Variants in MCM3 observed in about 807,000 individuals in gnomAD.
MCM3 encodes the protein DNA replication licensing factor MCM3.
A neutral mutation model predicts 91.3 loss-of-function variants in MCM3; 59 were observed. The observed-to-expected ratio is 0.65, with a 90% CI of 0.52 to 0.80. The LOEUF (loss-of-function observed/expected upper bound fraction) is 0.80, where lower values mean the gene tolerates loss of function less well. MCM3 is among the 30% of genes least tolerant of loss of function. The pLI, the probability that MCM3 is intolerant of heterozygous loss-of-function variation, is 0.00. For missense variants in MCM3, 919 were observed against 1,035.4 expected, an observed-to-expected ratio of 0.89 and a Z score of 1.54; for synonymous variants, 383 against 379.6, an observed-to-expected ratio of 1.01 and a Z score of -0.10.
At chr6:52,265,310 T>G (rs1562370585) in intron 16 of MCM3, 1 of 434,720 alleles carries the variant, frequency 2.3e-6, no homozygotes, top group Non-Finnish European at 4.6e-6. Flanking sequence ...CCCAGCCTTT[T>G]GGGAGGCTCA....
At chr6:52,282,324 T>TTATTTATATATTTATA in intron 3 of MCM3, 149 bp from the exon 4 acceptor site, 1 of 725,072 alleles carries the variant, frequency 1.4e-6, no homozygotes, top group Non-Finnish European at 2.3e-6. Flanking sequence ...ATTCACTTTT[T>TTATTTATATATTTATA]TATTTATATA....
In MCM3 at chr6:52,276,354, G is replaced by C. The variant is rs750705809; in HGVS notation, c.1288C>G (p.Arg430Gly). ...TAIHEVMEQG[R>G]VTIAKAGIHA... ...ATGCCAGCCTTGGCAATGGTCACTC[G>C]ACCCTGCTCCATCACTTCATGGATG... Residue 430 changes from arginine to glycine, a missense_variant, in exon 9 of 17, where the codon CGA becomes GGA. Transcript: ENST00000596288. 1 of 1,613,962 alleles carries C rather than the reference G, an allele frequency of 6.2e-7. No individual in the cohort carries two copies. The highest frequency in any genetic ancestry group is 8.5e-7 in the Non-Finnish European group (1 of 1,180,024).
At chr6:52,270,338 A>G (rs1326074017) in intron 12 of MCM3, among the ~76,000 whole-genome samples, 2 of 151,152 alleles carry the variant, frequency 1.3e-5, no homozygotes, top group East Asian at 1.9e-4. Flanking sequence ...CAAAAAAAAA[A>G]AAAAAAAGAA....
intron 9 of MCM3, 60 bp from the exon 10 acceptor site, chr6:52,273,976 G>C: frequency 1.5e-6 from 2 of 1,370,596 alleles, no homozygotes. Flanking sequence ...AGAACAACAA[G>C]GCTGCTGCAG....
intron 9 of MCM3, 96 bp from the exon 10 acceptor site, chr6:52,274,012 G>A: frequency 1.1e-6 from 1 of 933,782 alleles, no homozygotes; most frequent in Non-Finnish European, 1.6e-6. Flanking sequence ...TGAAAGGCTT[G>A]ACCTCAAAGA....
chr6:52,264,392 C>G lies in MCM3; in HGVS notation c.*196G>C. On this transcript the variant is annotated 3_prime_UTR_variant, in exon 17 of 17. Coordinates refer to ENST00000596288, the MANE Select transcript of MCM3 (RefSeq NM_002388.6). ...CCTCTCCCACTGTCTCCTCTTTCCT[C>G]ACCCCATGGCAGCTTTCATGACCCA... The G allele has an allele frequency of 3.4e-6, 2 of 581,076 alleles. No individual in the cohort carries two copies. The highest frequency in any genetic ancestry group is 6.1e-6 in the Non-Finnish European group (2 of 326,672). 36.0% of individuals were successfully genotyped at this position (581,076 alleles called of 1,614,324 possible). A position where few individuals can be genotyped will look rare whatever the true frequency, so the allele number is the denominator to read the frequency against.
chr6:52,278,205 A>C (rs1329183665), intron 6 of MCM3, among the ~76,000 whole-genome samples: 1 of 152,130 alleles, frequency 6.6e-6, no homozygotes, highest in Non-Finnish European at 1.5e-5. Flanking sequence ...GGCACAGAGC[A>C]GCCTGGATTC....
chr6:52,284,711 T>C lies in MCM3; in HGVS notation c.-37A>G. ...AAGAACTACCTCCACCAAAGTCGCGTGGAGGTTCCCAGGATGACTCCACCC... is the reference window on the plus strand; with the variant it reads ...AAGAACTACCTCCACCAAAGTCGCGCGGAGGTTCCCAGGATGACTCCACCC... On this transcript the variant is annotated 5_prime_UTR_variant, in exon 1 of 17. Coordinates refer to ENST00000596288, the MANE Select transcript of MCM3 (RefSeq NM_002388.6). 2 of 1,587,220 alleles carry C rather than the reference T, an allele frequency of 1.3e-6. No individual in the cohort carries two copies. The highest frequency in any genetic ancestry group is 1.1e-5 in the South Asian group (1 of 87,520).
chr6:52,284,710 G>A lies in MCM3; in HGVS notation c.-36C>T, dbSNP rs370980440. The A allele has an allele frequency of 1.9e-4, 294 of 1,587,720 alleles. No homozygotes were observed. In the Middle Eastern group the frequency reaches 2.2e-3, roughly 12 times the overall value. On this transcript the variant is annotated 5_prime_UTR_variant, in exon 1 of 17. It adds an upstream start codon to the 5' untranslated region. Transcript: ENST00000596288. ...AAAGAACTACCTCCACCAAAGTCGCGTGGAGGTTCCCAGGATGACTCCACC... is the reference window on the plus strand; with the variant it reads ...AAAGAACTACCTCCACCAAAGTCGCATGGAGGTTCCCAGGATGACTCCACC...
In MCM3 at chr6:52,266,597, G is replaced by A. The variant is rs1562372656; in HGVS notation, c.2158+14C>T. On this transcript the variant is annotated intron_variant, in intron 15 of 16. Coordinates refer to ENST00000596288, the MANE Select transcript of MCM3 (RefSeq NM_002388.6). ...CAGGAACAACCTCTTTCATCAGTAA[G>A]TGGGCTCACTCACCTTGAGGCATTT... is the stretch of plus-strand genomic sequence containing the variant. The A allele has an allele frequency of 6.2e-7, 1 of 1,610,628 alleles. No individual in the cohort carries two copies. The highest frequency in any genetic ancestry group is 8.5e-7 in the Non-Finnish European group (1 of 1,176,880).
intron 4 of MCM3, 110 bp downstream of exon 4, chr6:52,281,935 T>G: frequency 8.8e-7 from 1 of 1,131,618 alleles, no homozygotes; most frequent in Non-Finnish European, 1.2e-6. Context: ...TAATCCTTAT[T>G]TTTCACCCTT....
chr6:52,273,228 A>G lies in MCM3; in HGVS notation c.1676+2T>C. ...TTGAGGAAGAGTTATGAGAATGCTC[A>G]CTTTTTCTTCTTGGTCCCATGTAGA... is the stretch of plus-strand genomic sequence containing the variant. On this transcript the variant is annotated splice_donor_variant, in intron 11 of 16. Transcript: ENST00000596288. LOFTEE classifies it high-confidence loss of function. The G allele has an allele frequency of 6.2e-7, 1 of 1,614,214 alleles. No individual in the cohort carries two copies. Among genetic ancestry groups the G allele is most frequent in the Non-Finnish European group, 8.5e-7 (1 of 1,180,024 alleles).
At position 52,264,726 on chromosome 6, in the gene MCM3, G is replaced by A. The variant is rs111523955; in HGVS notation, c.2289C>T (p.Ile763=). The A allele has an allele frequency of 3.1e-6, 5 of 1,614,002 alleles. No individual in the cohort carries two copies. The highest frequency in any genetic ancestry group is 2.7e-5 in the African/African-American group (2 of 74,914). The change falls in exon 17 of 17, where the codon ATC becomes ATT. Residue 763 remains isoleucine (I), a synonymous_variant. Coordinates refer to ENST00000596288, the MANE Select transcript of MCM3 (RefSeq NM_002388.6). ...DVFREAHAQS[I]GMNRLTESIN... ...TGGATTCTGTGAGGCGATTCATGCC[G>A]ATTGACTGCGCATGAGCTTCCCGGA...
intron 10 of MCM3, 40 bp downstream of exon 10, chr6:52,273,702 G>A (rs778007036): frequency 7.0e-6 from 11 of 1,568,620 alleles, no homozygotes; most frequent in African/African-American, 4.1e-5. Context: ...TCTGTTTAGC[G>A]CCTTTCCATT....
intron 16 of MCM3, chr6:52,265,315 G>C: frequency 6.9e-6 from 3 of 432,102 alleles, no homozygotes; most frequent in South Asian, 5.0e-5. Flanking sequence ...CCTTTTGGGA[G>C]GCTCAGGTAG....
At chr6:52,282,294 A>G (rs1404272376) in intron 3 of MCM3, 119 bp from the exon 4 acceptor site, 12 of 845,326 alleles carry the variant, frequency 1.4e-5, no homozygotes, top group Middle Eastern at 4.8e-4. Flanking sequence ...CTAGGTTACG[A>G]TATTTCAATA....
chr6:52,267,663 G>GA (rs2128275388), intron 14 of MCM3, among the ~76,000 whole-genome samples: 1 of 151,824 alleles, frequency 6.6e-6, no homozygotes, highest in African/African-American at 2.4e-5. Context: ...GAGCAGCTGG[G>GA]ACCACAAGTG....
Position 52,284,710 on chromosome 6 carries a change from G to T in MCM3, c.-36C>A. 1 of 1,587,838 alleles carries T rather than the reference G, an allele frequency of 6.3e-7. No individual in the cohort carries two copies. The highest frequency in any genetic ancestry group is 8.6e-7 in the Non-Finnish European group (1 of 1,168,634). ...AAAGAACTACCTCCACCAAAGTCGCGTGGAGGTTCCCAGGATGACTCCACC... is the reference window on the plus strand; with the variant it reads ...AAAGAACTACCTCCACCAAAGTCGCTTGGAGGTTCCCAGGATGACTCCACC... On this transcript the variant is annotated 5_prime_UTR_variant, in exon 1 of 17. Coordinates refer to ENST00000596288, the MANE Select transcript of MCM3 (RefSeq NM_002388.6).
chr6:52,279,669 T>TATAA, intron 4 of MCM3, 70 bp from the exon 5 acceptor site: 1 of 1,145,964 alleles, frequency 8.7e-7, no homozygotes, highest in Non-Finnish European at 1.3e-6. Flanking sequence ...TCACCTGTCA[T>TATAA]GGCAAATAAG....
Sources: gnomAD v4.1 joint callset for allele counts (sites outside exome capture counted in the v4.1 genomes callset) on GRCh38, gnomAD v4.1.1 for gene constraint, MANE v1.5 for transcripts, NCBI Gene and HGNC (gene_info 2026-07-23, HGNC 2026-07-21) for gene names.